LY86: variants seen among roughly 807,000 people sequenced by gnomAD.
LY86 encodes MD-1, RP105-associated.
Under a neutral mutation model 17.3 loss-of-function variants are expected in LY86, and 20 were observed. The observed-to-expected ratio is 1.15, with a 90% confidence interval of 0.81 to 1.68. The LOEUF is 1.68. Ranked by LOEUF, LY86 falls within the 40% of genes most tolerant of loss-of-function variation. LY86 has a pLI of 0.00. For synonymous variants in LY86, 74 were observed against 70.6 expected (o/e 1.05, Z -0.24); for missense variants, 200 against 191.9 (o/e 1.04, Z -0.25).
chr6:6,649,642 G>A lies in LY86; in HGVS notation c.370G>A (p.Gly124Arg). 1 of 1,572,272 alleles carries A rather than the reference G, an allele frequency of 6.4e-7. No homozygotes were observed. Among genetic ancestry groups the A allele is most frequent in the East Asian group, 2.2e-5 (1 of 44,554 alleles). Reference sequence around the variant, plus strand: ...TTTTTCAGAGCAGATTTACTATGCTGGGCCTGTCAATAATCCTGAATTTAC... The same window carrying A: ...TTTTTCAGAGCAGATTTACTATGCTAGGCCTGTCAATAATCCTGAATTTAC... ...RRKGEQIYYA[G>R]PVNNPEFTIP... is the part of the protein sequence containing the mutation. Residue 124 changes from glycine (G) to arginine (R), a missense_variant, in exon 4 of 5, where the codon GGG becomes AGG. Transcript: ENST00000230568.
chr6:6,606,051 C>G (rs915629713), intron 1 of LY86, among the ~76,000 whole-genome samples: 2 of 152,232 alleles, frequency 1.3e-5, no homozygotes, highest in African/African-American at 4.8e-5. Flanking sequence ...AAGCAGGTTA[C>G]TGCTGCTAGC....
chr6:6,652,330 C>A (rs1395028858), intron 4 of LY86, among the ~76,000 whole-genome samples: 1 of 152,110 alleles, frequency 6.6e-6, no homozygotes, highest in East Asian at 1.9e-4. Flanking sequence ...ATGGAACAGA[C>A]ACAGTTCAAA....
chr6:6,605,122 T>C (rs1761062167), intron 1 of LY86, among the ~76,000 whole-genome samples: 1 of 151,730 alleles, frequency 6.6e-6, no homozygotes, highest in African/African-American at 2.4e-5. Flanking sequence ...AGTTTTGAGA[T>C]ATAAAATGGA....
chr6:6,602,915 T>TG, intron 1 of LY86, among the ~76,000 whole-genome samples: 1 of 152,156 alleles, frequency 6.6e-6, no homozygotes, highest in Non-Finnish European at 1.5e-5. Flanking sequence ...TTAATACTGG[T>TG]GTCTTAGTTC....
chr6:6,641,534 T>C (rs921870988), intron 3 of LY86, among the ~76,000 whole-genome samples: 2 of 152,196 alleles, frequency 1.3e-5, no homozygotes, highest in Non-Finnish European at 2.9e-5. Context: ...GAGTGTGAGA[T>C]TCAGAGAATT....
intron 3 of LY86, among the ~76,000 whole-genome samples, chr6:6,644,629 C>T (rs950109410): frequency 1.4e-5 from 2 of 147,708 alleles, no homozygotes; most frequent in African/African-American, 5.1e-5. Context: ...CACTCAGTGA[C>T]AATCACCCAA....
intron 1 of LY86, among the ~76,000 whole-genome samples, chr6:6,612,738 C>CAGTTCCCCACTAGATTAGCT (rs1761417338): frequency 1.3e-5 from 2 of 152,188 alleles, no homozygotes; most frequent in African/African-American, 4.8e-5. Flanking sequence ...AAAAGTTCTC[C>CAGTTCCCCACTAGATTAGCT]AGTTCCCCAC....
intron 3 of LY86, among the ~76,000 whole-genome samples, chr6:6,637,433 G>A (rs937833808): frequency 2.0e-5 from 3 of 152,114 alleles, no homozygotes; most frequent in African/African-American, 7.2e-5. Flanking sequence ...AATTCTTTAT[G>A]TTCCTTGAGC....
intron 1 of LY86, among the ~76,000 whole-genome samples, chr6:6,605,949 C>A (rs4959391): frequency 0.77 from 116,452 of 151,916 alleles, 47,186 homozygotes; most frequent in Non-Finnish European, 0.9. Context: ...GGTTATAACT[C>A]ATAAAAGAAG....
intron 1 of LY86, among the ~76,000 whole-genome samples, chr6:6,603,637 AC>A (rs1421084017): frequency 7.0e-6 from 1 of 143,882 alleles, no homozygotes; most frequent in African/African-American, 2.5e-5. Context: ...AACAAAACAC[AC>A]ACACACACAC....
chr6:6,605,997 C>T (rs932916909), intron 1 of LY86, among the ~76,000 whole-genome samples: 11 of 152,168 alleles, frequency 7.2e-5, no homozygotes, highest in African/African-American at 2.4e-4. Context: ...AAATTTACTG[C>T]GAAAAGCAAA....
At chr6:6,613,359 C>T (rs974264524) in intron 1 of LY86, among the ~76,000 whole-genome samples, 8 of 152,206 alleles carry the variant, frequency 5.3e-5, no homozygotes, top group South Asian at 2.1e-4. Context: ...TTGGCCTGCT[C>T]ATAAGCTCAC....
chr6:6,648,114 G>T (rs1490535749), intron 3 of LY86, among the ~76,000 whole-genome samples: 1 of 151,946 alleles, frequency 6.6e-6, no homozygotes, highest in African/African-American at 2.4e-5. Context: ...CCACTCATCA[G>T]TGGGTGCTAT....
intron 1 of LY86, among the ~76,000 whole-genome samples, chr6:6,597,004 T>C (rs1760735709): frequency 6.6e-6 from 1 of 152,188 alleles, no homozygotes; most frequent in Non-Finnish European, 1.5e-5. Flanking sequence ...AAAATCTTAA[T>C]GGGCAGCTCC....
chr6:6,600,315 C>T (rs1223823675), intron 1 of LY86, among the ~76,000 whole-genome samples: 3 of 152,036 alleles, frequency 2.0e-5, no homozygotes, highest in Non-Finnish European at 4.4e-5. Context: ...GTCAACCAGG[C>T]GCGGTGGCTC....
chr6:6,613,704 C>A (rs9405952), intron 1 of LY86, among the ~76,000 whole-genome samples: 12,151 of 152,324 alleles, frequency 0.08, 584 homozygotes, highest in East Asian at 0.17. Flanking sequence ...CACAGTGCAG[C>A]GGCGGGCTGA....
At chr6:6,589,757 T>C (rs922541406) in intron 1 of LY86, among the ~76,000 whole-genome samples, 5 of 151,828 alleles carry the variant, frequency 3.3e-5, no homozygotes, top group African/African-American at 1.2e-4. Context: ...CTCCTCTTCT[T>C]ATAAGTACAC....
chr6:6,604,913 ACT>A (rs1561778762), intron 1 of LY86, among the ~76,000 whole-genome samples: 1 of 152,094 alleles, frequency 6.6e-6, no homozygotes, highest in Non-Finnish European at 1.5e-5. Context: ...CTCCAGCAAT[ACT>A]CTCATAGAAA....
intron 3 of LY86, among the ~76,000 whole-genome samples, chr6:6,648,165 C>G (rs1050742898): frequency 1.3e-5 from 2 of 152,146 alleles, no homozygotes; most frequent in Non-Finnish European, 2.9e-5. Context: ...TCTCTACCTC[C>G]ACCACCACCA....
Sources: allele counts gnomAD v4.1 joint callset (sites outside exome capture counted in the v4.1 genomes callset), GRCh38; gene constraint gnomAD v4.1.1; transcripts MANE v1.5; gene names NCBI Gene and HGNC (gene_info 2026-07-23, HGNC 2026-07-21).